Variants in CACNA1C observed in about 807,000 individuals in gnomAD.
The protein encoded by CACNA1C is calcium voltage-gated channel subunit alpha1 C.
Under a neutral mutation model 229.0 loss-of-function variants are expected in CACNA1C, and 30 were observed. The observed-to-expected ratio is 0.13, with a 90% CI of 0.10 to 0.18. The LOEUF (loss-of-function observed/expected upper bound fraction) is 0.18, where lower values mean the gene tolerates loss of function less well. CACNA1C is among the 10% of genes least tolerant of loss of function. The pLI is 1.00. For missense variants in CACNA1C, 1,658 were observed against 2,845.0 expected (o/e 0.58, Z 9.49); for synonymous variants, 1,114 against 1,132.5 (o/e 0.98, Z 0.33).
Position 2,602,988 on chromosome 12 carries a change from G to C in CACNA1C, c.2960+1028G>C, listed in dbSNP as rs542770316. ...CTTGCTCAAGGTCACACCTGTGGTA[G>C]AGAAAGGCCTAAGTCCCAGCGTTCC... On this transcript the variant is annotated intron_variant, in intron 22 of 46. Transcript: ENST00000399655. This position sits in a 1 kb window ranked among gnomAD's most constrained non-coding sequence, Gnocchi z 4.4. 6.6e-6 allele frequency among the ~76,000 whole-genome samples: 1 copy of C among 152,320 alleles called. No individual in the cohort carries two copies. Among genetic ancestry groups the C allele is most frequent in the South Asian group, 2.1e-4 (1 of 4,826 alleles).
At chr12:2,634,273 C>T (rs781171938) in intron 29 of CACNA1C, 24 bp from the exon 30 acceptor site, 3 of 1,303,430 alleles carry the variant, frequency 2.3e-6, no homozygotes, top group South Asian at 1.4e-5. Flanking sequence ...TTCTCTCTCT[C>T]CCCGGCTGCT....
chr12:2,306,038 G>T lies in CACNA1C; in HGVS notation c.478-142938G>T, dbSNP rs144393514. ...GCACCAAGAGGTAAGGAACTTGCCA[G>T]AAGTTATGCAGCTGAGGGTAGTGGA... On this transcript the variant is annotated intron_variant, in intron 3 of 46. Coordinates refer to ENST00000399655, the MANE Select transcript of CACNA1C (RefSeq NM_000719.7). 6.4e-4 allele frequency among the ~76,000 whole-genome samples: 98 copies of T among 152,344 alleles called. 1 individual carries two copies. In the East Asian group the frequency reaches 0.017, roughly 27 times the overall value.
At position 2,319,975 on chromosome 12, in the gene CACNA1C, G is replaced by T. The variant is rs2095891421; in HGVS notation, c.478-129001G>T. On this transcript the variant is annotated intron_variant, in intron 3 of 46. Transcript: ENST00000399655. The surrounding 1 kb of genome is among the most constrained non-coding windows in gnomAD (Gnocchi z 4.0). ...CTGACACCGGCTCCCACCCTTTAAA[G>T]CTCCTGTCCCTGGGGGTTTTGCTGC... is the stretch of plus-strand genomic sequence containing the variant. Among the ~76,000 whole-genome samples the T allele has an allele frequency of 6.6e-6, 1 of 152,180 alleles. No individual in the cohort carries two copies. Among genetic ancestry groups the T allele is most frequent in the Non-Finnish European group, 1.5e-5 (1 of 68,028 alleles).
At chr12:2,203,116 A>G (rs2239025) in intron 3 of CACNA1C, among the ~76,000 whole-genome samples, 51,532 of 151,818 alleles carry the variant, frequency 0.34, 9,176 homozygotes, top group South Asian at 0.39. Flanking sequence ...TACCCTGTCT[A>G]TAGTGAAACG....
At chr12:2,009,044 A>G (rs1252685023) in intron 1 of CACNA1C, among the ~76,000 whole-genome samples, 1 of 152,198 alleles carries the variant, frequency 6.6e-6, no homozygotes, top group Non-Finnish European at 1.5e-5. Flanking sequence ...TAATCCGTGT[A>G]ACTTCCATTT....
chr12:2,318,482 C>T (rs1315839159), intron 3 of CACNA1C, among the ~76,000 whole-genome samples: 1 of 152,238 alleles, frequency 6.6e-6, no homozygotes, highest in Admixed American at 6.5e-5. Context: ...ACCTGGCACC[C>T]AGCCCACATT....
At chr12:2,652,035 T>G (rs756059753) in intron 32 of CACNA1C, among the ~76,000 whole-genome samples, 25 of 152,272 alleles carry the variant, frequency 1.6e-4, no homozygotes, top group Non-Finnish European at 3.7e-4. Flanking sequence ...TCTGCCTTAC[T>G]TTTAACCATC....
intron 5 of CACNA1C, among the ~76,000 whole-genome samples, chr12:2,484,030 A>C (rs779599407): frequency 6.6e-6 from 1 of 152,242 alleles, no homozygotes; most frequent in Non-Finnish European, 1.5e-5. Flanking sequence ...GCCAGGCCTT[A>C]GCAACAAAAT....
chr12:2,004,485 A>G, intron 1 of CACNA1C: 2 of 1,539,614 alleles, frequency 1.3e-6, no homozygotes, highest in Non-Finnish European at 1.7e-6. Context: ...CTCTCAATAG[A>G]TCGCAGAACG....
chr12:2,135,636 G>T (rs1405651853), intron 3 of CACNA1C, among the ~76,000 whole-genome samples: 1 of 141,048 alleles, frequency 7.1e-6, no homozygotes, highest in Non-Finnish European at 1.5e-5. Context: ...AGGGGTCAGG[G>T]ACCCACTTGA....
At position 2,651,750 on chromosome 12, in the gene CACNA1C, C is replaced by T; in HGVS notation, c.4056C>T (p.Thr1352=). The T allele has an allele frequency of 1.2e-6, 2 of 1,610,850 alleles. No individual in the cohort carries two copies. The highest frequency in any genetic ancestry group is 1.7e-5 in the Admixed American group (1 of 59,846). The part of the protein sequence containing the change: ...RGEGIRTLLW[T]FIKSFQALPY... ...AGGGCATCCGGACGCTGCTGTGGAC[C>T]TTCATCAAGTCCTTCCAGGTAGCCG... The change falls in exon 32 of 47, where the codon ACC becomes ACT. Residue 1352 remains threonine, a synonymous_variant. Coordinates refer to ENST00000399655, the MANE Select transcript of CACNA1C (RefSeq NM_000719.7). This position sits in a 1 kb window ranked among gnomAD's most constrained non-coding sequence, Gnocchi z 5.4.
intron 3 of CACNA1C, 144 bp downstream of exon 3, chr12:2,120,574 G>A (rs553914161): frequency 1.5e-6 from 1 of 675,104 alleles, no homozygotes; most frequent in African/African-American, 1.8e-5. Context: ...CCCGAGTGCT[G>A]TTTTACTCTT....
chr12:2,113,651 CAGT>C (rs1421766142), intron 1 of CACNA1C, among the ~76,000 whole-genome samples: 2 of 152,192 alleles, frequency 1.3e-5, no homozygotes, highest in East Asian at 3.9e-4. Flanking sequence ...TCACCGCCCA[CAGT>C]AGCACCCTCT....
chr12:2,403,928 A>G lies in CACNA1C; in HGVS notation c.478-45048A>G, dbSNP rs1247650153. On this transcript the variant is annotated intron_variant, in intron 3 of 46. Transcript: ENST00000399655. This position sits in a 1 kb window ranked among gnomAD's most constrained non-coding sequence, Gnocchi z 4.1. ...CTAGAGGAAAGACTTAATGATTCTC[A>G]CCCTTGAAAGTGTGTACAGAAATCC... Among the ~76,000 whole-genome samples, 1 of 152,134 alleles carries G rather than the reference A, an allele frequency of 6.6e-6. No individual in the cohort carries two copies. The highest frequency in any genetic ancestry group is 1.5e-5 in the Non-Finnish European group (1 of 68,036).
At chr12:2,456,944 T>C (rs2099429846) in intron 4 of CACNA1C, among the ~76,000 whole-genome samples, 1 of 152,236 alleles carries the variant, frequency 6.6e-6, no homozygotes, top group South Asian at 2.1e-4. Flanking sequence ...GGAGTGAATA[T>C]GCCAGCTCAG....
At chr12:2,409,460 G>A (rs906959695) in intron 3 of CACNA1C, among the ~76,000 whole-genome samples, 7 of 152,224 alleles carry the variant, frequency 4.6e-5, no homozygotes, top group African/African-American at 7.2e-5. Context: ...AGGTATCACC[G>A]TAGGTGTGCC....
intron 10 of CACNA1C, among the ~76,000 whole-genome samples, chr12:2,551,204 C>T (rs1258198542): frequency 6.6e-6 from 1 of 152,066 alleles, no homozygotes; most frequent in Non-Finnish European, 1.5e-5. Context: ...ATCAAAGGCC[C>T]TGCAACTCTG....
At position 2,572,782 on chromosome 12, in the gene CACNA1C, TCTC is replaced by T. The variant is rs1215696392; in HGVS notation, c.1895+5004_1895+5006del. Among the ~76,000 whole-genome samples the T allele has an allele frequency of 4.3e-3, 430 of 100,212 alleles. 5 individuals carry two copies. Among genetic ancestry groups the T allele is most frequent in the African/African-American group, 0.015 (381 of 25,526 alleles). The allele number at this position is 100,212 out of a possible 152,430, so 65.7% of individuals were successfully genotyped here. The stretch of plus-strand genomic sequence containing the variant: ...CTCCTTCTTCTGTTCCTCCTTCTCC[TCTC>T]CTCCTCCTCCTCCTCTCCTCCTTCT... On this transcript the variant is annotated intron_variant, in intron 13 of 46. Transcript: ENST00000399655.
intron 1 of CACNA1C, among the ~76,000 whole-genome samples, chr12:2,103,436 T>A (rs1402465551): frequency 2.0e-5 from 3 of 152,234 alleles, no homozygotes; most frequent in Non-Finnish European, 4.4e-5. Context: ...TTTTTTTTTC[T>A]TGTAAATCTG....
Sources: gnomAD v4.1 joint callset for allele counts (sites outside exome capture counted in the v4.1 genomes callset) on GRCh38, gnomAD v4.1.1 for gene constraint, Gnocchi (gnomAD v3.1) non-coding constraint, MANE v1.5 for transcripts, NCBI Gene and HGNC (gene_info 2026-07-23, HGNC 2026-07-21) for gene names.